PCDH10: variants seen among roughly 807,000 people sequenced by gnomAD.
PCDH10 encodes the protein protocadherin-10.
PCDH10 carries 15 observed loss-of-function variants against 74.4 expected under a neutral mutation model. The observed-to-expected ratio is 0.20, with a 90% CI of 0.13 to 0.31. The LOEUF is 0.31. Among genes scored for constraint, PCDH10 ranks in the 10% least tolerant of loss-of-function variants. The pLI, the probability that PCDH10 is intolerant of heterozygous loss-of-function variation, is 1.00. For synonymous variants in PCDH10, 619 were observed against 589.8 expected, an observed-to-expected ratio of 1.05 and a Z score of -0.72; for missense variants, 1,260 against 1,390.2, an observed-to-expected ratio of 0.91 and a Z score of 1.49.
chr4:133,169,423 T>C (rs985100029), intron 4 of PCDH10, among the ~76,000 whole-genome samples: 2 of 151,868 alleles, frequency 1.3e-5, no homozygotes, highest in African/African-American at 2.4e-5. Context: ...TTCTTTAGTA[T>C]GACTCTTCAA....
intron 3 of PCDH10, among the ~76,000 whole-genome samples, chr4:133,162,285 G>A (rs1011738608): frequency 6.6e-6 from 1 of 152,120 alleles, no homozygotes; most frequent in Non-Finnish European, 1.5e-5. Flanking sequence ...TGTCTAAGGT[G>A]GTAAATAATA....
At chr4:133,206,814 G>A (rs913494762) in intron 2 of PCDH10, among the ~76,000 whole-genome samples, 1 of 152,072 alleles carries the variant, frequency 6.6e-6, no homozygotes, top group African/African-American at 2.4e-5. Flanking sequence ...AGTCTTATAA[G>A]CATAATGCAG....
chr4:133,185,036 T>C (rs1275444075), intron 4 of PCDH10, among the ~76,000 whole-genome samples: 2 of 148,392 alleles, frequency 1.3e-5, no homozygotes, highest in African/African-American at 4.9e-5. Context: ...CAAAAACTAG[T>C]GATAGTATAT....
At chr4:133,183,075 A>G (rs974271112) in intron 4 of PCDH10, among the ~76,000 whole-genome samples, 77 of 152,100 alleles carry the variant, frequency 5.1e-4, no homozygotes, top group African/African-American at 1.7e-3. Flanking sequence ...TCTTCCTCAA[A>G]TCAATTCAAA....
intron 4 of PCDH10, among the ~76,000 whole-genome samples, chr4:133,188,264 C>T (rs940647127): frequency 2.0e-5 from 3 of 151,976 alleles, no homozygotes; most frequent in African/African-American, 2.4e-5. Flanking sequence ...ATTTGGTGAC[C>T]GTAATGATTT....
chr4:133,156,893 C>G (rs1178987239), intron 3 of PCDH10, among the ~76,000 whole-genome samples: 1 of 152,162 alleles, frequency 6.6e-6, no homozygotes, highest in South Asian at 2.1e-4. Context: ...TTCCCAGTAG[C>G]TACTTTATTT....
chr4:133,189,292 G>A (rs1173342219), intron 4 of PCDH10, among the ~76,000 whole-genome samples: 1 of 152,012 alleles, frequency 6.6e-6, no homozygotes, highest in African/African-American at 2.4e-5. Flanking sequence ...TTATATGTCT[G>A]TTATGTGCCA....
intron 4 of PCDH10, among the ~76,000 whole-genome samples, chr4:133,174,374 C>T (rs1471040147): frequency 6.6e-6 from 1 of 151,548 alleles, no homozygotes; most frequent in Non-Finnish European, 1.5e-5. Flanking sequence ...TCATACACTT[C>T]AGAAAAATAA....
intron 4 of PCDH10, among the ~76,000 whole-genome samples, chr4:133,182,522 T>C (rs889034216): frequency 6.6e-6 from 1 of 152,114 alleles, no homozygotes; most frequent in Admixed American, 6.6e-5. Flanking sequence ...GGATACTTCA[T>C]TGATAATGTA....
At chr4:133,164,681 T>A (rs545249314) in intron 4 of PCDH10, among the ~76,000 whole-genome samples, 1 of 151,792 alleles carries the variant, frequency 6.6e-6, no homozygotes, top group African/African-American at 2.4e-5. Context: ...AGACCTGGAA[T>A]TTTTAACATT....
chr4:133,175,290 A>G (rs1209316757), intron 4 of PCDH10, among the ~76,000 whole-genome samples: 1 of 152,104 alleles, frequency 6.6e-6, no homozygotes, highest in Non-Finnish European at 1.5e-5. Context: ...GCACCATAAC[A>G]ATTTAAAACT....
At chr4:133,183,632 C>G (rs1727465367) in intron 4 of PCDH10, among the ~76,000 whole-genome samples, 1 of 152,106 alleles carries the variant, frequency 6.6e-6, no homozygotes, top group African/African-American at 2.4e-5. Flanking sequence ...GGGCCTTTCA[C>G]AGTATATCAG....
chr4:133,195,385 C>A (rs182870750), downstream of PCDH10, among the ~76,000 whole-genome samples: 1 of 151,828 alleles, frequency 6.6e-6, no homozygotes, highest in Non-Finnish European at 1.5e-5. Context: ...GGAAAAGAAC[C>A]GAATAAAATA....
At position 133,151,985 on chromosome 4, in the gene PCDH10, G is replaced by C. The variant is rs781506199; in HGVS notation, c.1845G>C (p.Arg615=). 6.2e-7 allele frequency: 1 copy of C among 1,612,698 alleles called. No homozygotes were observed. Among genetic ancestry groups the C allele is most frequent in the Admixed American group, 1.7e-5 (1 of 60,012 alleles). The stretch of plus-strand genomic sequence containing the variant: ...ACGCGGACGACGGCGAGAACGCCCG[G>C]CTCACTTACAGCATCGTGCGTGGCA... The part of the protein sequence containing the change: ...AVDADDGENA[R]LTYSIVRGNE... Residue 615 remains arginine (R), a synonymous_variant, in exon 1 of 5, where the codon CGG becomes CGC. Coordinates refer to ENST00000264360, the MANE Select transcript of PCDH10 (RefSeq NM_032961.3).
rs547201793 is a variant in PCDH10 at position 133,154,977 on chromosome 4, A to C, written c.2751A>C (p.Glu917Asp). ...SSKDSGHGDS[E>D]QGDSDHDATN... ...AGGACAGTGGTCATGGAGACAGTGA[A>C]CAGGGAGATAGTGATCATGATGCCA... Residue 917 changes from glutamate to aspartate, a missense_variant, in exon 3 of 5, where the codon GAA becomes GAC. Physicochemically the swap from Glu to Asp is conservative, Grantham distance 45 (BLOSUM62 2). Coordinates refer to ENST00000264360, the MANE Select transcript of PCDH10 (RefSeq NM_032961.3). The C allele has an allele frequency of 1.2e-6, 2 of 1,613,990 alleles. No individual in the cohort carries two copies. The highest frequency in any genetic ancestry group is 1.7e-6 in the Non-Finnish European group (2 of 1,179,832).
In PCDH10 at chr4:133,183,065, T is replaced by C. The variant is rs988682335; in HGVS notation, c.3104-7076T>C. Among the ~76,000 whole-genome samples, 3 of 152,094 alleles carry C rather than the reference T, an allele frequency of 2.0e-5. No homozygotes were observed. In the East Asian group the frequency reaches 5.8e-4, roughly 29 times the overall value. ...AATGATTACTCTGTGTTTTTAGATA[T>C]CTTCCTCAAATCAATTCAAATAATA... On this transcript the variant is annotated intron_variant, in intron 4 of 4. Coordinates refer to ENST00000264360, the MANE Select transcript of PCDH10 (RefSeq NM_032961.3).
chr4:133,206,452 T>C (rs1019379595), intron 2 of PCDH10, among the ~76,000 whole-genome samples: 1 of 152,198 alleles, frequency 6.6e-6, no homozygotes, highest in Non-Finnish European at 1.5e-5. Context: ...TCCTTTTTAT[T>C]AGGCTTATTT....
chr4:133,162,468 T>C (rs1459199980), intron 3 of PCDH10, among the ~76,000 whole-genome samples: 3 of 152,198 alleles, frequency 2.0e-5, no homozygotes, highest in African/African-American at 7.2e-5. Context: ...TTTCACTTTC[T>C]GCTTCATATT....
chr4:133,183,764 G>A (rs1727468118), intron 4 of PCDH10, among the ~76,000 whole-genome samples: 1 of 152,112 alleles, frequency 6.6e-6, no homozygotes, highest in African/African-American at 2.4e-5. Flanking sequence ...GTTGTAAATA[G>A]TCTCTTTCAC....
Sources: allele counts gnomAD v4.1 joint callset (sites outside exome capture counted in the v4.1 genomes callset), GRCh38; gene constraint gnomAD v4.1.1; transcripts MANE v1.5; gene names NCBI Gene and HGNC (gene_info 2026-07-23, HGNC 2026-07-21).